Variants in COL27A1 observed in about 807,000 individuals in gnomAD.
The protein encoded by COL27A1 is collagen type XXVII alpha 1 chain.
COL27A1 carries 106 observed loss-of-function variants against 251.3 expected under a neutral mutation model. That is an observed-to-expected ratio of 0.42 (90% CI 0.36 to 0.50). The LOEUF (loss-of-function observed/expected upper bound fraction) is 0.50. Ranked by LOEUF, COL27A1 falls within the 20% of genes least tolerant of loss-of-function variation. The pLI is 0.00. For missense variants in COL27A1, 2,325 were observed against 2,522.8 expected, an observed-to-expected ratio of 0.92 and a Z score of 1.68; for synonymous variants, 1,000 against 986.3, an observed-to-expected ratio of 1.01 and a Z score of -0.26.
At chr9:114,301,955 T>C in intron 55 of COL27A1, 127 bp from the exon 56 acceptor site, 3 of 1,058,946 alleles carry the variant, frequency 2.8e-6, no homozygotes, top group Non-Finnish European at 4.3e-6. Context: ...CCACCAAGCC[T>C]CCGGGAAAGC....
In COL27A1 at chr9:114,282,545, G is replaced by T; in HGVS notation, c.3860G>T (p.Arg1287Leu). 1.3e-6 allele frequency: 2 copies of T among 1,531,692 alleles called. No homozygotes were observed. The highest frequency in any genetic ancestry group is 4.8e-5 in the East Asian group (2 of 41,332). The allele number at this position is 1,531,692 out of a possible 1,614,324, so 94.9% of individuals were successfully genotyped here. A position where few individuals can be genotyped will look rare whatever the true frequency, so the allele number is the denominator to read the frequency against. ...PPGTPGPKGSRGSLGPTGAPG... is the reference protein window; with the variant it reads ...PPGTPGPKGSLGSLGPTGAPG... ...GGCACTCCAGGCCCTAAAGGGTCCC[G>T]GGGCAGCCTGGGACCAACGGTGAGG... Residue 1287 changes from arginine (R) to leucine (L), a missense_variant, in exon 39 of 61, where the codon CGG becomes CTG. Physicochemically the swap from Arg to Leu is moderately radical, Grantham distance 102 (BLOSUM62 -2). Around this residue, in one of 4 missense-constraint regions of COL27A1, gnomAD observed 662 missense variants for 795.3 expected, o/e 0.83. Transcript: ENST00000356083.
intron 2 of COL27A1, among the ~76,000 whole-genome samples, chr9:114,164,771 T>A (rs1374995587): frequency 6.6e-6 from 1 of 152,216 alleles, no homozygotes; most frequent in Admixed American, 6.5e-5. Flanking sequence ...CTAAAACATA[T>A]ACCACTAAGA....
chr9:114,168,442 C>A lies in COL27A1; in HGVS notation c.887C>A (p.Thr296Lys), dbSNP rs369421502. 6.2e-7 allele frequency: 1 copy of A among 1,613,864 alleles called. No individual in the cohort carries two copies. The highest frequency in any genetic ancestry group is 2.2e-5 in the East Asian group (1 of 44,858). The change falls in exon 3 of 61, where the codon ACG (threonine) becomes AAG (lysine). Residue 296 changes from threonine (T) to lysine (K), a missense_variant. This residue lies in a region of COL27A1 where 1,183 missense variants were observed against 1,144.1 expected (regional missense o/e 1.03). Transcript: ENST00000356083. Reference sequence around the variant, plus strand: ...CCCAGGGGGACTGTGGCACCCGCCACGCCCACCAAGCCCCAAAGGACTAGC... The same window carrying A: ...CCCAGGGGGACTGTGGCACCCGCCAAGCCCACCAAGCCCCAAAGGACTAGC... ...RGPRGTVAPA[T>K]PTKPQRTSPT...
chr9:114,219,992 G>C, intron 13 of COL27A1, 148 bp downstream of exon 13: 1 of 662,190 alleles, frequency 1.5e-6, no homozygotes, highest in East Asian at 2.6e-5. Flanking sequence ...CAAATTACAT[G>C]ACGTCTCTAA....
In COL27A1 at chr9:114,219,785, C is replaced by CT; in HGVS notation, c.2368-5dup. 1 of 1,604,950 alleles carries CT rather than the reference C, an allele frequency of 6.2e-7. No homozygotes were observed. Among genetic ancestry groups the CT allele is most frequent in the Non-Finnish European group, 8.5e-7 (1 of 1,171,758 alleles). On this transcript the variant is annotated splice_polypyrimidine_tract_variant and splice_region_variant and intron_variant, in intron 12 of 60. Transcript: ENST00000356083. ...ACAGATGTTTGTTCTCTCTCATGCC[C>CT]TCCAGGGGTTTCCTGGAGTCTTTGG...
chr9:114,256,097 G>C (rs17802770), intron 27 of COL27A1, among the ~76,000 whole-genome samples: 22,328 of 152,182 alleles, frequency 0.15, 2,018 homozygotes, highest in Non-Finnish European at 0.2. Context: ...GATTAAAAGT[G>C]ACATTTCTGG....
intron 1 of COL27A1, among the ~76,000 whole-genome samples, chr9:114,158,129 G>A (rs1191413040): frequency 1.3e-5 from 2 of 152,102 alleles, no homozygotes; most frequent in East Asian, 3.9e-4. Flanking sequence ...GAGGCAGGTG[G>A]GACAGGTCCA....
At chr9:114,163,643 C>T (rs759901205) in intron 2 of COL27A1, among the ~76,000 whole-genome samples, 3 of 152,200 alleles carry the variant, frequency 2.0e-5, no homozygotes, top group Non-Finnish European at 4.4e-5. Flanking sequence ...ACGCCCAGCC[C>T]GTGTGCTGGG....
At chr9:114,173,408 C>T (rs7023173) in intron 3 of COL27A1, among the ~76,000 whole-genome samples, 50,439 of 152,004 alleles carry the variant, frequency 0.33, 8,659 homozygotes, top group Admixed American at 0.44. Context: ...GACTCCCAGG[C>T]GGGGTTCCTT....
intron 13 of COL27A1, among the ~76,000 whole-genome samples, chr9:114,221,426 G>C (rs1254164003): frequency 6.6e-6 from 1 of 152,156 alleles, no homozygotes; most frequent in Non-Finnish European, 1.5e-5. Flanking sequence ...TGCTGGCATA[G>C]AGGAACAGAA....
At position 114,309,451 on chromosome 9, in the gene COL27A1, G is replaced by T; in HGVS notation, c.5409G>T (p.Arg1803=). ...TTTTTGAAGCTGGGGGTCAGTTCCG[G>T]CCCGAGGTGTCCATGGATGGCTGCA... is the stretch of plus-strand genomic sequence containing the variant. ...GQIFEAGGQF[R]PEVSMDGCKV... The change falls in exon 60 of 61, where the codon CGG becomes CGT. Residue 1803 remains arginine, a synonymous_variant. Coordinates refer to ENST00000356083, the MANE Select transcript of COL27A1 (RefSeq NM_032888.4). 6.2e-7 allele frequency: 1 copy of T among 1,613,860 alleles called. No individual in the cohort carries two copies. The highest frequency in any genetic ancestry group is 8.5e-7 in the Non-Finnish European group (1 of 1,179,924).
chr9:114,267,196 T>G (rs1834808315), intron 33 of COL27A1, among the ~76,000 whole-genome samples: 1 of 152,188 alleles, frequency 6.6e-6, no homozygotes, highest in South Asian at 2.1e-4. Flanking sequence ...CCCCGTCTTT[T>G]TGTGAATCAT....
At chr9:114,211,862 A>AT (rs35137544) in intron 12 of COL27A1, among the ~76,000 whole-genome samples, 2,020 of 152,276 alleles carry the variant, frequency 0.013, 47 homozygotes, top group African/African-American at 0.045. Context: ...AGAATGAGAT[A>AT]CCAGGGTCCC....
intron 4 of COL27A1, among the ~76,000 whole-genome samples, chr9:114,182,037 T>G (rs917618890): frequency 6.6e-6 from 1 of 151,876 alleles, no homozygotes; most frequent in Non-Finnish European, 1.5e-5. Flanking sequence ...CTCCAAAGAC[T>G]CATACAAAAG....
At chr9:114,156,936 C>T (rs1350197427) in intron 1 of COL27A1, among the ~76,000 whole-genome samples, 1 of 152,156 alleles carries the variant, frequency 6.6e-6, no homozygotes, top group Non-Finnish European at 1.5e-5. Context: ...CCAGGACACT[C>T]CCCAGAGGCT....
chr9:114,301,447 A>G lies in COL27A1; in HGVS notation c.4794A>G (p.Gly1598=). 7.4e-7 allele frequency: 1 copy of G among 1,346,396 alleles called. No individual in the cohort carries two copies. The highest frequency in any genetic ancestry group is 9.9e-7 in the Non-Finnish European group (1 of 1,012,090). 83.4% of individuals were successfully genotyped at this position (1,346,396 alleles called of 1,614,324 possible). A position where few individuals can be genotyped will look rare whatever the true frequency, so the allele number is the denominator to read the frequency against. The part of the protein sequence containing the change: ...KGDKGSRGDW[G]LQGPRGPPGP... ...CCCCTGCTTCTGTCTCCCTCCAGGG[A>G]TTGCAAGGTCCGAGGGTGAGTGGGC... The change falls in exon 54 of 61, where the codon GGA becomes GGG. Residue 1598 remains glycine (G), a splice_region_variant and synonymous_variant. Transcript: ENST00000356083.
chr9:114,309,833 C>T (rs981782219), intron 60 of COL27A1, among the ~76,000 whole-genome samples: 1 of 152,140 alleles, frequency 6.6e-6, no homozygotes, highest in Non-Finnish European at 1.5e-5. Flanking sequence ...TTCAAATGTC[C>T]TGAACAGGGT....
intron 41 of COL27A1, among the ~76,000 whole-genome samples, chr9:114,286,253 GCCCACGTGCAGAGTTCTTT>G (rs1554824857): frequency 1.3e-5 from 2 of 152,120 alleles, no homozygotes; most frequent in Non-Finnish European, 2.9e-5. Flanking sequence ...TTGAGCACAC[GCCCACGTGCAGAGTTCTTT>G]CCCTGCCATT....
chr9:114,238,122 C>T (rs1003936732), intron 19 of COL27A1, among the ~76,000 whole-genome samples: 3 of 152,152 alleles, frequency 2.0e-5, no homozygotes, highest in East Asian at 3.9e-4. Flanking sequence ...TCAGAGCTTC[C>T]GGGTATGGGG....
Sources: allele counts gnomAD v4.1 joint callset (sites outside exome capture counted in the v4.1 genomes callset), GRCh38; gene constraint gnomAD v4.1.1; regional missense constraint gnomAD v4.1.1; transcripts MANE v1.5; gene names NCBI Gene and HGNC (gene_info 2026-07-23, HGNC 2026-07-21).